Variants in CNTN5 observed in about 807,000 individuals in gnomAD.
CNTN5 encodes contactin-5.
A neutral mutation model predicts 129.1 loss-of-function variants in CNTN5; 77 were observed. That is an observed-to-expected ratio of 0.60 (90% CI 0.50 to 0.72). The LOEUF (loss-of-function observed/expected upper bound fraction) is 0.72, where lower values mean the gene tolerates loss of function less well. CNTN5 is among the 30% of genes least tolerant of loss of function. The pLI, the probability that CNTN5 is intolerant of heterozygous loss-of-function variation, is 0.00. For synonymous variants in CNTN5, 509 were observed against 465.6 expected, an observed-to-expected ratio of 1.09 and a Z score of -1.20; for missense variants, 1,478 against 1,328.8, an observed-to-expected ratio of 1.11 and a Z score of -1.75.
At chr11:99,650,705 A>G (rs1318740686) in intron 3 of CNTN5, among the ~76,000 whole-genome samples, 1 of 151,930 alleles carries the variant, frequency 6.6e-6, no homozygotes, top group Non-Finnish European at 1.5e-5. Flanking sequence ...TGATCCTTCT[A>G]CTACAAATGA....
chr11:99,760,323 G>C (rs77584031), intron 3 of CNTN5, among the ~76,000 whole-genome samples: 1 of 152,050 alleles, frequency 6.6e-6, no homozygotes, highest in African/African-American at 2.4e-5. Context: ...TTGGAGGAGC[G>C]TCTGAGAGGA....
chr11:99,652,781 A>C (rs1435800388), intron 3 of CNTN5, among the ~76,000 whole-genome samples: 1 of 152,178 alleles, frequency 6.6e-6, no homozygotes, highest in South Asian at 2.1e-4. Context: ...TGTGTTATTA[A>C]ACAACTCACT....
At chr11:100,033,858 C>A (rs1387294334) in intron 9 of CNTN5, among the ~76,000 whole-genome samples, 1 of 152,172 alleles carries the variant, frequency 6.6e-6, no homozygotes, top group Non-Finnish European at 1.5e-5. Context: ...TGCTACTTTC[C>A]AGAGATAATT....
intron 1 of CNTN5, among the ~76,000 whole-genome samples, chr11:99,191,154 C>T (rs1328304677): frequency 6.6e-6 from 1 of 151,530 alleles, no homozygotes; most frequent in East Asian, 1.9e-4. Context: ...ATAGATTTGC[C>T]TGTGTTTAAC....
intron 3 of CNTN5, among the ~76,000 whole-genome samples, chr11:99,683,247 T>C (rs994486529): frequency 1.3e-5 from 2 of 151,866 alleles, no homozygotes; most frequent in African/African-American, 4.8e-5. Flanking sequence ...TATTGCCCTG[T>C]GTTATTTTAT....
rs137956517 is a variant in CNTN5 at position 99,074,414 on chromosome 11, C to A, written c.-210+53144C>A. On this transcript the variant is annotated intron_variant, in intron 1 of 24. Transcript: ENST00000524871. The stretch of plus-strand genomic sequence containing the variant: ...AATTAGTCAATTTTGGCTTTTGTTG[C>A]AATAACCTAGAACTGTAGAAACCCT... 1.2e-3 allele frequency among the ~76,000 whole-genome samples: 182 copies of A among 152,230 alleles called. 2 individuals are homozygous for A. The East Asian group carries it at 0.032, about 27-fold the overall frequency.
chr11:99,615,518 A>C (rs1950733095), intron 3 of CNTN5, among the ~76,000 whole-genome samples: 1 of 152,162 alleles, frequency 6.6e-6, no homozygotes, highest in South Asian at 2.1e-4. Flanking sequence ...TGATGATGAC[A>C]GCTTAGCTAC....
chr11:99,375,530 T>C (rs1940129169), intron 2 of CNTN5, among the ~76,000 whole-genome samples: 1 of 152,138 alleles, frequency 6.6e-6, no homozygotes, highest in Non-Finnish European at 1.5e-5. Context: ...AGTTCTTGGA[T>C]GATATTTTTG....
At chr11:99,451,663 A>G (rs1944306664) in intron 2 of CNTN5, among the ~76,000 whole-genome samples, 1 of 152,200 alleles carries the variant, frequency 6.6e-6, no homozygotes, top group South Asian at 2.1e-4. Flanking sequence ...CATAAGAAAT[A>G]AAATTATCCT....
chr11:100,120,433 C>T (rs555826439), intron 13 of CNTN5, among the ~76,000 whole-genome samples: 1 of 151,692 alleles, frequency 6.6e-6, no homozygotes, highest in Admixed American at 6.6e-5. Flanking sequence ...TATTAATCAA[C>T]CCAAAAAAGT....
At chr11:100,294,041 A>G (rs1394343372) in intron 18 of CNTN5, among the ~76,000 whole-genome samples, 1 of 151,304 alleles carries the variant, frequency 6.6e-6, no homozygotes, top group East Asian at 1.9e-4. Flanking sequence ...CCCTCTTTTC[A>G]TTCTTCAGCA....
At chr11:99,256,215 C>T (rs1379482923) in intron 1 of CNTN5, among the ~76,000 whole-genome samples, 2 of 152,042 alleles carry the variant, frequency 1.3e-5, no homozygotes, top group East Asian at 3.9e-4. Context: ...TTTTCTATAG[C>T]TTTGATTTGT....
intron 3 of CNTN5, among the ~76,000 whole-genome samples, chr11:99,749,291 T>TG (rs1410746644): frequency 2.0e-5 from 3 of 151,894 alleles, no homozygotes; most frequent in African/African-American, 7.3e-5. Flanking sequence ...GAAAAAAGAA[T>TG]GGGGAAAAAA....
At chr11:99,984,571 G>C (rs1421349711) in intron 8 of CNTN5, among the ~76,000 whole-genome samples, 3 of 151,802 alleles carry the variant, frequency 2.0e-5, no homozygotes, top group South Asian at 4.2e-4. Flanking sequence ...TTTAATGAAG[G>C]CCCTATTTTT....
intron 13 of CNTN5, among the ~76,000 whole-genome samples, chr11:100,150,314 T>C (rs1227936755): frequency 6.6e-6 from 1 of 152,132 alleles, no homozygotes; most frequent in Non-Finnish European, 1.5e-5. Context: ...TGTAAGAAAC[T>C]GAGTAAAATA....
At chr11:99,992,507 G>T (rs749124626) in intron 8 of CNTN5, among the ~76,000 whole-genome samples, 4 of 152,216 alleles carry the variant, frequency 2.6e-5, no homozygotes, top group East Asian at 3.9e-4. Flanking sequence ...AGTAAAGAAA[G>T]GTCCATTCTT....
chr11:99,613,983 A>G (rs763011764), intron 3 of CNTN5, among the ~76,000 whole-genome samples: 7 of 152,218 alleles, frequency 4.6e-5, no homozygotes, highest in Non-Finnish European at 7.3e-5. Flanking sequence ...TGTTATAACT[A>G]TAGAATAATT....
At chr11:99,229,471 G>T (rs1460926446) in intron 1 of CNTN5, among the ~76,000 whole-genome samples, 1 of 136,022 alleles carries the variant, frequency 7.4e-6, no homozygotes, top group African/African-American at 2.8e-5. Context: ...TTTGAAATAG[G>T]AACTAAAAAT....
chr11:99,351,861 A>G (rs1938321025), intron 2 of CNTN5, among the ~76,000 whole-genome samples: 1 of 152,238 alleles, frequency 6.6e-6, no homozygotes, highest in East Asian at 1.9e-4. Flanking sequence ...CCAATGAAGC[A>G]TAGTTGAGTT....
Sources: gnomAD v4.1 joint callset for allele counts (sites outside exome capture counted in the v4.1 genomes callset) on GRCh38, gnomAD v4.1.1 for gene constraint, MANE v1.5 for transcripts, NCBI Gene and HGNC (gene_info 2026-07-23, HGNC 2026-07-21) for gene names.